The following MAP7D2 variants were observed in gnomAD, a reference collection of about 807,000 sequenced individuals.
MAP7D2 encodes the protein MAP7 domain containing 2.
Under a neutral mutation model 63.5 loss-of-function variants are expected in MAP7D2, and 33 were observed. That is an observed-to-expected ratio of 0.52 (90% CI 0.39 to 0.70). MAP7D2 has a LOEUF of 0.70. Among genes scored for constraint, MAP7D2 ranks in the 30% least tolerant of loss-of-function variants. The probability of loss-of-function intolerance (pLI) is 0.00; values close to 1 mark genes in which losing one functional copy is unlikely to be tolerated. For synonymous variants in MAP7D2, 224 were observed against 223.7 expected (o/e 1.00, Z -0.01); for missense variants, 626 against 604.0 (o/e 1.04, Z -0.38).
chrX:20,081,497 T>G (rs2065776595), intron 1 of MAP7D2, among the ~76,000 whole-genome samples: 1 of 111,407 alleles, frequency 9.0e-6, no homozygotes, highest in African/African-American at 3.3e-5. Context: ...ATTCCTTGTT[T>G]CTGTTTCTGC....
chrX:20,115,702 A>G (rs914503608), intron 1 of MAP7D2, among the ~76,000 whole-genome samples: 2 of 111,459 alleles, frequency 1.8e-5, no homozygotes, highest in African/African-American at 3.3e-5. Context: ...CCTCAACCCC[A>G]GTGAAAAAGC....
intron 1 of MAP7D2, among the ~76,000 whole-genome samples, chrX:20,073,532 C>CTT (rs1335817629): frequency 6.3e-5 from 6 of 94,986 alleles, no homozygotes; most frequent in African/African-American, 1.5e-4. Context: ...CTTTTCTTTT[C>CTT]TTTTTTTTTT....
intron 6 of MAP7D2, among the ~76,000 whole-genome samples, chrX:20,047,978 C>A (rs1037273157): frequency 2.7e-5 from 3 of 111,112 alleles, no homozygotes; most frequent in Non-Finnish European, 3.8e-5. Flanking sequence ...ATGGTCTCAC[C>A]CCCTGCTATG....
chrX:20,084,146 A>G (rs1306839846), intron 1 of MAP7D2, among the ~76,000 whole-genome samples: 1 of 105,726 alleles, frequency 9.5e-6, no homozygotes, highest in Non-Finnish European at 1.9e-5. Flanking sequence ...GGTTCCAGTG[A>G]GCTGAGACCG....
rs777433950 is a variant in MAP7D2, at chrX:20,025,137, G to C, written c.1280-54C>G. 4.0e-5 allele frequency: 46 copies of C among 1,143,440 alleles called. No individual in the cohort carries two copies. In the South Asian group the frequency reaches 8.7e-4, roughly 22 times the overall value. The allele number at this position is 1,143,440 out of a possible 1,213,427, so 94.2% of individuals were successfully genotyped here. A position where few individuals can be genotyped will look rare whatever the true frequency, so the allele number is the denominator to read the frequency against. On this transcript the variant is annotated intron_variant, in intron 9 of 16. Transcript: ENST00000379643. Reference sequence around the variant, plus strand: ...AAAGATCAAGGGAAACGAATATAATGATTCCACTCACACAGCAGCTGCCAG... The same window carrying C: ...AAAGATCAAGGGAAACGAATATAATCATTCCACTCACACAGCAGCTGCCAG...
intron 1 of MAP7D2, among the ~76,000 whole-genome samples, chrX:20,097,083 G>A (rs1343328744): frequency 9.0e-6 from 1 of 111,204 alleles, no homozygotes; most frequent in Non-Finnish European, 1.9e-5. Flanking sequence ...ACTGTCCCAT[G>A]GAATTTTTTG....
intron 1 of MAP7D2, among the ~76,000 whole-genome samples, chrX:20,104,645 A>G (rs1381471052): frequency 8.9e-6 from 1 of 112,234 alleles, no homozygotes; most frequent in Non-Finnish European, 1.9e-5. Context: ...CTGTAGACAT[A>G]ACTACAACTG....
chrX:20,047,294 C>T (rs775937304), intron 6 of MAP7D2, among the ~76,000 whole-genome samples: 18 of 112,458 alleles, frequency 1.6e-4, no homozygotes, highest in Non-Finnish European at 2.8e-4. Flanking sequence ...CTAGTGTGCC[C>T]TAACATCTTC....
At chrX:20,061,169 T>C (rs1380426090) in intron 3 of MAP7D2, among the ~76,000 whole-genome samples, 1 of 95,070 alleles carries the variant, frequency 1.1e-5, no homozygotes, top group African/African-American at 4.0e-5. Flanking sequence ...GAGAAGAGAA[T>C]GGAGAACATC....
At chrX:20,056,323 C>A (rs12009531) in intron 4 of MAP7D2, among the ~76,000 whole-genome samples, 37,445 of 110,587 alleles carry the variant, frequency 0.34, 7,299 homozygotes, top group African/African-American at 0.74. Flanking sequence ...CGCATCTGGA[C>A]CAGTGACAGA....
At chrX:20,083,161 T>C (rs1021624861) in intron 1 of MAP7D2, among the ~76,000 whole-genome samples, 2 of 112,561 alleles carry the variant, frequency 1.8e-5, no homozygotes, top group African/African-American at 6.5e-5. Flanking sequence ...TGCCAGTAGT[T>C]AAAAGTTGAT....
At chrX:20,088,967 G>C (rs1336758359) in intron 1 of MAP7D2, among the ~76,000 whole-genome samples, 1 of 110,719 alleles carries the variant, frequency 9.0e-6, no homozygotes, top group Non-Finnish European at 1.9e-5. Context: ...ATTTTCAGTA[G>C]AGACAGGGTT....
chrX:20,062,425 G>C (rs1270884928), intron 3 of MAP7D2, among the ~76,000 whole-genome samples: 1 of 110,834 alleles, frequency 9.0e-6, no homozygotes, highest in Non-Finnish European at 1.9e-5. Flanking sequence ...ACCATGAAAG[G>C]GTGCTTCTTG....
chrX:20,082,382 A>C (rs780045576), intron 1 of MAP7D2, among the ~76,000 whole-genome samples: 1 of 111,817 alleles, frequency 8.9e-6, no homozygotes, highest in Admixed American at 9.5e-5. Context: ...TTTTTTAATT[A>C]GAGAGTAAAA....
chrX:20,107,092 G>A (rs2066590724), intron 1 of MAP7D2, among the ~76,000 whole-genome samples: 1 of 111,539 alleles, frequency 9.0e-6, no homozygotes, highest in Non-Finnish European at 1.9e-5. Flanking sequence ...GGGCGGTGGG[G>A]AAAATGATGA....
At chrX:20,098,477 A>G (rs550976405) in intron 1 of MAP7D2, among the ~76,000 whole-genome samples, 1 of 112,047 alleles carries the variant, frequency 8.9e-6, no homozygotes, top group Admixed American at 9.4e-5. Flanking sequence ...AGGCCACAGA[A>G]AGGCTCTTGG....
At chrX:20,107,280 G>T (rs1400156522) in intron 1 of MAP7D2, among the ~76,000 whole-genome samples, 3 of 110,782 alleles carry the variant, frequency 2.7e-5, no homozygotes, top group Non-Finnish European at 5.7e-5. Flanking sequence ...GTACATAAGA[G>T]GATGAAGGGG....
At chrX:20,035,665 C>T (rs1237353536) in intron 8 of MAP7D2, among the ~76,000 whole-genome samples, 1 of 110,331 alleles carries the variant, frequency 9.1e-6, no homozygotes, top group Non-Finnish European at 1.9e-5. Flanking sequence ...CTGAGGCAGG[C>T]ATATCACAAG....
chrX:20,015,701 T>A (rs1295131993), intron 11 of MAP7D2, among the ~76,000 whole-genome samples: 2 of 112,434 alleles, frequency 1.8e-5, no homozygotes, highest in African/African-American at 6.5e-5. Flanking sequence ...AGTTTCCTCA[T>A]CCCTCAGCTG....
Sources: allele counts gnomAD v4.1 joint callset (sites outside exome capture counted in the v4.1 genomes callset), GRCh38; gene constraint gnomAD v4.1.1; transcripts MANE v1.5; gene names NCBI Gene and HGNC (gene_info 2026-07-23, HGNC 2026-07-21).